LRP1B: variants seen among roughly 807,000 people sequenced by gnomAD.
LRP1B encodes low-density lipoprotein receptor-related protein 1B.
Under a neutral mutation model 556.6 loss-of-function variants are expected in LRP1B, and 217 were observed. The ratio of observed to expected loss-of-function variants is 0.39; its 90% CI spans 0.35 to 0.44. The LOEUF is 0.44. Among genes scored for constraint, LRP1B ranks in the 20% least tolerant of loss-of-function variants. The probability of loss-of-function intolerance (pLI) is 1.00; values close to 1 mark genes in which losing one functional copy is unlikely to be tolerated. For missense variants in LRP1B, 5,053 were observed against 5,620.8 expected, an observed-to-expected ratio of 0.90 and a Z score of 3.23; for synonymous variants, 2,047 against 1,865.8, an observed-to-expected ratio of 1.10 and a Z score of -2.50.
intron 25 of LRP1B, among the ~76,000 whole-genome samples, chr2:140,879,287 T>C (rs1693401233): frequency 6.6e-6 from 1 of 152,212 alleles, no homozygotes; most frequent in South Asian, 2.1e-4. Flanking sequence ...TCTATATTTA[T>C]ATTTACCAGA....
intron 30 of LRP1B, 119 bp downstream of exon 30, chr2:140,840,799 T>A: frequency 1.5e-6 from 1 of 686,860 alleles, no homozygotes; most frequent in Non-Finnish European, 2.2e-6. Flanking sequence ...ATTTACTTTT[T>A]TTTTAACTCT....
At chr2:141,148,296 A>G (rs973853365) in intron 7 of LRP1B, among the ~76,000 whole-genome samples, 5 of 152,182 alleles carry the variant, frequency 3.3e-5, no homozygotes, top group African/African-American at 9.7e-5. Context: ...TGAGGTTCCT[A>G]AACTTGTCAC....
At chr2:140,346,948 A>G (rs1225549870) in intron 77 of LRP1B, among the ~76,000 whole-genome samples, 1 of 152,022 alleles carries the variant, frequency 6.6e-6, no homozygotes, top group Non-Finnish European at 1.5e-5. Context: ...GAATATACCA[A>G]AAATGATATC....
intron 1 of LRP1B, among the ~76,000 whole-genome samples, chr2:141,939,159 T>C (rs1053091787): frequency 2.0e-5 from 3 of 151,560 alleles, no homozygotes; most frequent in Admixed American, 6.6e-5. Flanking sequence ...AAAAAAACTA[T>C]GTGAGGAGAT....
At chr2:140,677,863 C>CAA (rs1199729482) in intron 41 of LRP1B, among the ~76,000 whole-genome samples, 2 of 97,062 alleles carry the variant, frequency 2.1e-5, no homozygotes, top group African/African-American at 8.6e-5. Flanking sequence ...GCAACTAGAG[C>CAA]AAAACTATGT....
chr2:140,948,857 T>C (rs776259197), intron 20 of LRP1B, among the ~76,000 whole-genome samples: 15 of 152,204 alleles, frequency 9.9e-5, no homozygotes, highest in African/African-American at 3.6e-4. Context: ...TTTTAATACA[T>C]CACTCAGGGA....
At chr2:140,621,400 A>AAAT (rs397956182) in intron 41 of LRP1B, among the ~76,000 whole-genome samples, 1 of 150,756 alleles carries the variant, frequency 6.6e-6, no homozygotes, top group African/African-American at 2.4e-5. Flanking sequence ...AAAAAAAAAA[A>AAAT]GAAAAGAAGA....
chr2:141,505,030 T>C (rs1485499314), intron 2 of LRP1B, among the ~76,000 whole-genome samples: 2 of 152,042 alleles, frequency 1.3e-5, no homozygotes, highest in African/African-American at 4.8e-5. Flanking sequence ...TTACTTGTAT[T>C]AGTATCACAA....
At chr2:140,326,732 A>ATTCTTCCCT (rs1370605543) in intron 79 of LRP1B, among the ~76,000 whole-genome samples, 11 of 151,392 alleles carry the variant, frequency 7.3e-5, no homozygotes, top group African/African-American at 2.7e-4. Context: ...AGGGAAGAAT[A>ATTCTTCCCT]AACAGTAAAG....
intron 31 of LRP1B, among the ~76,000 whole-genome samples, chr2:140,834,592 G>T (rs1256825793): frequency 6.6e-6 from 1 of 152,126 alleles, no homozygotes; most frequent in Non-Finnish European, 1.5e-5. Context: ...ATACTACTAA[G>T]ACTTGGCCAG....
rs148015003 is a variant in LRP1B at position 141,007,500 on chromosome 2, T to A, written c.2381-2043A>T. ...AATTAAGCCTAATACAGGGTTTTTT[T>A]AATAGGAAATGCATAAATGCTTTAA... On this transcript the variant is annotated intron_variant, in intron 14 of 90. Coordinates refer to ENST00000389484, the MANE Select transcript of LRP1B (RefSeq NM_018557.3). 2.1e-4 allele frequency among the ~76,000 whole-genome samples: 32 copies of A among 151,780 alleles called. No homozygotes were observed. The East Asian group carries it at 4.9e-3, about 23-fold the overall frequency.
intron 51 of LRP1B, among the ~76,000 whole-genome samples, chr2:140,510,683 C>T (rs1272001094): frequency 6.6e-6 from 1 of 152,106 alleles, no homozygotes; most frequent in Non-Finnish European, 1.5e-5. Context: ...TCTTGTAGTA[C>T]CAAAAAGTAT....
intron 2 of LRP1B, among the ~76,000 whole-genome samples, chr2:141,507,728 C>G (rs1346328666): frequency 6.6e-6 from 1 of 151,870 alleles, no homozygotes; most frequent in Non-Finnish European, 1.5e-5. Context: ...TTTTTGAGTA[C>G]CTACTATGTA....
At chr2:141,251,348 G>A (rs893003747) in intron 4 of LRP1B, among the ~76,000 whole-genome samples, 1 of 152,110 alleles carries the variant, frequency 6.6e-6, no homozygotes, top group Non-Finnish European at 1.5e-5. Flanking sequence ...GTAAATGGAG[G>A]AATGAAGTGA....
chr2:140,498,660 A>C (rs1401246445), intron 55 of LRP1B, among the ~76,000 whole-genome samples: 2 of 151,816 alleles, frequency 1.3e-5, no homozygotes, highest in Non-Finnish European at 2.9e-5. Context: ...CCATTCTCTG[A>C]AACAGAGAAA....
At chr2:140,286,102 C>A (rs940703084) in intron 84 of LRP1B, among the ~76,000 whole-genome samples, 1 of 151,810 alleles carries the variant, frequency 6.6e-6, no homozygotes, top group Non-Finnish European at 1.5e-5. Context: ...AATCCCAAGC[C>A]TCAGTGGCTG....
At chr2:141,883,482 A>T (rs77329707) in intron 1 of LRP1B, among the ~76,000 whole-genome samples, 2,531 of 152,218 alleles carry the variant, frequency 0.017, 44 homozygotes, top group Non-Finnish European at 0.021. Flanking sequence ...CCTTCCAGAG[A>T]TTGTATTTGG....
rs1214937882 is a variant in LRP1B at position 140,514,764 on chromosome 2, A to G, written c.8158T>C (p.Cys2720Arg). The G allele has an allele frequency of 6.2e-7, 1 of 1,610,210 alleles. No individual in the cohort carries two copies. Among genetic ancestry groups the G allele is most frequent in the Non-Finnish European group, 8.5e-7 (1 of 1,177,760 alleles). The change falls in exon 51 of 91, where the codon TGC (cysteine) becomes CGC (arginine). Residue 2720 changes from cysteine to arginine, a missense_variant. Cys to Arg is a radical substitution (Grantham distance 180). Coordinates refer to ENST00000389484, the MANE Select transcript of LRP1B (RefSeq NM_018557.3). The stretch of plus-strand genomic sequence containing the variant: ...GAACAAGCAAATTGGTTCCAAGAGC[A>G]AGAAGAATCTAGGAAACAAACAAAA... ...GRDEFHCDSS[C>R]SWNQFACSAQ...
chr2:141,818,497 C>A (rs1266077722), intron 1 of LRP1B, among the ~76,000 whole-genome samples: 1 of 142,314 alleles, frequency 7.0e-6, no homozygotes, highest in Admixed American at 6.9e-5. Context: ...CCTTAATATT[C>A]TATTCACTTT....
Sources: gnomAD v4.1 joint callset for allele counts (sites outside exome capture counted in the v4.1 genomes callset) on GRCh38, gnomAD v4.1.1 for gene constraint, MANE v1.5 for transcripts, NCBI Gene and HGNC (gene_info 2026-07-23, HGNC 2026-07-21) for gene names.